Variants in PIK3C2B observed in about 807,000 individuals in gnomAD.
PIK3C2B encodes the protein phosphatidylinositol-4-phosphate 3-kinase catalytic subunit type 2 beta.
PIK3C2B carries 83 observed loss-of-function variants against 184.3 expected under a neutral mutation model. The observed-to-expected ratio is 0.45, with a 90% CI of 0.38 to 0.54. PIK3C2B has a LOEUF of 0.54. Ranked by LOEUF, PIK3C2B falls within the 20% of genes least tolerant of loss-of-function variation. The pLI is 0.00. For synonymous variants in PIK3C2B, 779 were observed against 837.6 expected, an observed-to-expected ratio of 0.93 and a Z score of 1.21; for missense variants, 1,736 against 2,113.5, an observed-to-expected ratio of 0.82 and a Z score of 3.50.
chr1:204,444,513 G>T, intron 16 of PIK3C2B, 89 bp from the exon 17 acceptor site: 2 of 899,536 alleles, frequency 2.2e-6, no homozygotes, highest in Non-Finnish European at 3.5e-6. Context: ...GGCTTCAGAG[G>T]CATGGAGAAA....
intron 29 of PIK3C2B, among the ~76,000 whole-genome samples, chr1:204,429,550 T>C (rs764052713): frequency 6.6e-6 from 1 of 152,172 alleles, no homozygotes; most frequent in Non-Finnish European, 1.5e-5. Flanking sequence ...CTCATGACTT[T>C]GTTAGGGCCA....
At chr1:204,434,361 G>T in intron 24 of PIK3C2B, 78 bp downstream of exon 24, 1 of 1,301,264 alleles carries the variant, frequency 7.7e-7, no homozygotes, top group Non-Finnish European at 1.1e-6. Context: ...TCCATCATGG[G>T]CTTGTGTCCC....
intron 12 of PIK3C2B, among the ~76,000 whole-genome samples, chr1:204,453,295 G>A (rs560301323): frequency 1.3e-5 from 2 of 152,284 alleles, no homozygotes; most frequent in African/African-American, 2.4e-5. Context: ...AAACCCCTGC[G>A]GTGCCCCCAT....
At chr1:204,453,755 T>C (rs1358414506) in intron 12 of PIK3C2B, among the ~76,000 whole-genome samples, 1 of 147,522 alleles carries the variant, frequency 6.8e-6, no homozygotes, top group African/African-American at 2.5e-5. Flanking sequence ...AAAGTATTAT[T>C]AAAATTAACA....
At chr1:204,467,908 C>T (rs1446693623) in intron 2 of PIK3C2B, among the ~76,000 whole-genome samples, 1 of 151,718 alleles carries the variant, frequency 6.6e-6, no homozygotes, top group East Asian at 1.9e-4. Context: ...CCAGGGTTTC[C>T]AGGGACCAAG....
chr1:204,466,489 T>TGGGGG (rs370904930), intron 2 of PIK3C2B, among the ~76,000 whole-genome samples: 28 of 65,448 alleles, frequency 4.3e-4, no homozygotes, highest in African/African-American at 1.4e-3. Context: ...CGGCGGGGGG[T>TGGGGG]GGGGGTGCAC....
At chr1:204,493,029 A>C (rs2102238575) in intron 1 of PIK3C2B, among the ~76,000 whole-genome samples, 1 of 152,304 alleles carries the variant, frequency 6.6e-6, no homozygotes, top group Admixed American at 6.5e-5. Context: ...AGGAGCTGGG[A>C]TTCCAAAGTC....
At chr1:204,445,921 A>C in intron 16 of PIK3C2B, 35 bp downstream of exon 16, 1 of 1,426,294 alleles carries the variant, frequency 7.0e-7, no homozygotes, top group Non-Finnish European at 9.4e-7. Flanking sequence ...TTCTACAAGA[A>C]CACATAGTCA....
intron 1 of PIK3C2B, among the ~76,000 whole-genome samples, chr1:204,476,229 C>A (rs1467275675): frequency 1.3e-5 from 2 of 152,198 alleles, no homozygotes; most frequent in Non-Finnish European, 2.9e-5. Context: ...TGTTTCCTGC[C>A]TCCCCACTTC....
intron 1 of PIK3C2B, among the ~76,000 whole-genome samples, chr1:204,476,858 T>C (rs945541767): frequency 6.6e-6 from 1 of 152,240 alleles, no homozygotes; most frequent in Non-Finnish European, 1.5e-5. Context: ...TCAGGCTGCG[T>C]TCTCTCCTAA....
At chr1:204,457,977 G>C in intron 8 of PIK3C2B, 103 bp from the exon 9 acceptor site, 2 of 992,758 alleles carry the variant, frequency 2.0e-6, no homozygotes, top group Non-Finnish European at 1.5e-6. Flanking sequence ...GGGAAGAGTA[G>C]AGAGATTCAT....
At position 204,425,746 on chromosome 1, in the gene PIK3C2B, A is replaced by G. The variant is rs745523784; in HGVS notation, c.4588-5T>C. On this transcript the variant is annotated splice_polypyrimidine_tract_variant and splice_region_variant and intron_variant, in intron 31 of 32. Transcript: ENST00000684373. Reference sequence around the variant, plus strand: ...ATTTCCATCCTGGAGCAGTTGCTACAATAGAATGAGAACCAAAAAAATGTT... The same window carrying G: ...ATTTCCATCCTGGAGCAGTTGCTACGATAGAATGAGAACCAAAAAAATGTT... 4 of 1,610,426 alleles carry G rather than the reference A, an allele frequency of 2.5e-6. No individual in the cohort carries two copies. In the South Asian group the frequency reaches 4.4e-5, roughly 18 times the overall value.
chr1:204,429,785 A>G, intron 29 of PIK3C2B, 136 bp downstream of exon 29: 1 of 664,166 alleles, frequency 1.5e-6, no homozygotes. Context: ...AGACTGGAGC[A>G]TTGGTCATTC....
chr1:204,485,502 T>C (rs1268400817), intron 1 of PIK3C2B, among the ~76,000 whole-genome samples: 1 of 152,120 alleles, frequency 6.6e-6, no homozygotes, highest in Non-Finnish European at 1.5e-5. Context: ...GTCTCCTTGC[T>C]GACCCCCTAA....
chr1:204,452,554 C>T (rs1654464044), intron 12 of PIK3C2B, among the ~76,000 whole-genome samples: 1 of 151,058 alleles, frequency 6.6e-6, no homozygotes, highest in South Asian at 2.1e-4. Context: ...AATGGTGGAA[C>T]TCAAGGGCCA....
chr1:204,492,983 T>C (rs765466853), intron 1 of PIK3C2B, among the ~76,000 whole-genome samples: 4 of 152,154 alleles, frequency 2.6e-5, no homozygotes, highest in South Asian at 2.1e-4. Flanking sequence ...AATTTTTCCA[T>C]GGACACAACC....
At chr1:204,493,595 C>G (rs2102239948) in intron 1 of PIK3C2B, among the ~76,000 whole-genome samples, 1 of 150,596 alleles carries the variant, frequency 6.6e-6, no homozygotes, top group African/African-American at 2.4e-5. Flanking sequence ...TAACCTCATA[C>G]ATTTGGTAAC....
intron 30 of PIK3C2B, 86 bp downstream of exon 30, chr1:204,428,053 G>T: frequency 1.3e-6 from 1 of 764,076 alleles, no homozygotes; most frequent in Non-Finnish European, 2.3e-6. Flanking sequence ...CAAGGAGAGA[G>T]AACTGAGAAG....
At position 204,447,066 on chromosome 1, in the gene PIK3C2B, G is replaced by GGT. The variant is rs1458508409; in HGVS notation, c.2489+368_2489+369dup. 6.6e-6 allele frequency among the ~76,000 whole-genome samples: 1 copy of GGT among 151,950 alleles called. No homozygotes were observed. The highest frequency in any genetic ancestry group is 1.9e-4 in the East Asian group (1 of 5,178). ...GGGCCAGAAAAATTCAAAGGCTGTT[G>GGT]GTGTGGAAGGGGCAGGAGGTGAGAG... On this transcript the variant is annotated intron_variant, in intron 15 of 32. Coordinates refer to ENST00000684373, the MANE Select transcript of PIK3C2B (RefSeq NM_001377334.1). This position sits in a 1 kb window ranked among gnomAD's most constrained non-coding sequence, Gnocchi z 4.1.
Sources: gnomAD v4.1 joint callset for allele counts (sites outside exome capture counted in the v4.1 genomes callset) on GRCh38, gnomAD v4.1.1 for gene constraint, Gnocchi (gnomAD v3.1) non-coding constraint, MANE v1.5 for transcripts, NCBI Gene and HGNC (gene_info 2026-07-23, HGNC 2026-07-21) for gene names.